TMCC3: variants seen among roughly 807,000 people sequenced by gnomAD.
TMCC3 encodes the protein transmembrane and coiled-coil domain family 3, also known as transmembrane and coiled-coil domain protein 3.
In TMCC3, 28 loss-of-function variants were observed where a neutral mutation model predicts 40.2. The ratio of observed to expected loss-of-function variants is 0.70; its 90% CI spans 0.52 to 0.95. The LOEUF (loss-of-function observed/expected upper bound fraction) is 0.95. TMCC3 is among the 40% of genes least tolerant of loss of function. The probability of loss-of-function intolerance (pLI) is 0.00; values close to 1 mark genes in which losing one functional copy is unlikely to be tolerated. For synonymous variants in TMCC3, 255 were observed against 248.5 expected (o/e 1.03, Z -0.25); for missense variants, 554 against 615.2 (o/e 0.90, Z 1.05).
intron 1 of TMCC3, among the ~76,000 whole-genome samples, chr12:94,592,839 G>A (rs745664271): frequency 6.6e-5 from 10 of 151,544 alleles, no homozygotes; most frequent in Non-Finnish European, 1.3e-4. Context: ...GTGTTTAAGA[G>A]TCTCAAAAAC....
chr12:94,577,917 T>C (rs1208031905), intron 3 of TMCC3, among the ~76,000 whole-genome samples: 2 of 151,460 alleles, frequency 1.3e-5, no homozygotes, highest in Non-Finnish European at 2.9e-5. Flanking sequence ...GAGGCTAAGG[T>C]GGGCAGATCA....
At chr12:94,625,837 AT>A (rs1467335247) in intron 1 of TMCC3, among the ~76,000 whole-genome samples, 1 of 152,210 alleles carries the variant, frequency 6.6e-6, no homozygotes, top group African/African-American at 2.4e-5. Context: ...GTTAACATTC[AT>A]TTAAATTATT....
At chr12:94,601,153 G>C (rs1473018054) in intron 1 of TMCC3, among the ~76,000 whole-genome samples, 2 of 152,128 alleles carry the variant, frequency 1.3e-5, no homozygotes, top group Non-Finnish European at 2.9e-5. Flanking sequence ...CTGGATATTA[G>C]AAATTATAAT....
intron 3 of TMCC3, among the ~76,000 whole-genome samples, chr12:94,577,018 G>A (rs556814123): frequency 3.7e-4 from 57 of 152,166 alleles, no homozygotes; most frequent in African/African-American, 1.4e-3. Flanking sequence ...TCTGTGCCTC[G>A]GTCTCCATAT....
intron 1 of TMCC3, among the ~76,000 whole-genome samples, chr12:94,624,868 C>T (rs1021848160): frequency 8.8e-5 from 13 of 147,230 alleles, no homozygotes; most frequent in South Asian, 2.2e-4. Flanking sequence ...GGGCCAGGTG[C>T]GGTGGCTCAT....
chr12:94,577,087 A>G (rs1270518009), intron 3 of TMCC3, among the ~76,000 whole-genome samples: 1 of 152,166 alleles, frequency 6.6e-6, no homozygotes, highest in Non-Finnish European at 1.5e-5. Context: ...AGTAAATGGG[A>G]AAAAAAGAAA....
rs869058316 is a variant in TMCC3 at position 94,592,661 on chromosome 12, CAA to C, written c.79-10125_79-10124del. Among the ~76,000 whole-genome samples, 44 of 27,496 alleles carry C rather than the reference CAA, an allele frequency of 1.6e-3. 1 individual carries two copies. The highest frequency in any genetic ancestry group is 0.015 in the East Asian group (15 of 1,024). 18.0% of individuals were successfully genotyped at this position (27,496 alleles called of 152,430 possible). A position where few individuals can be genotyped will look rare whatever the true frequency, so the allele number is the denominator to read the frequency against. Reference sequence around the variant, plus strand: ...TGAGCCTGGACAACAGGCTCCATCTCAAAAAAAAAAAAAAAAAAAAAATTCTA... The same window carrying C: ...TGAGCCTGGACAACAGGCTCCATCTCAAAAAAAAAAAAAAAAAAAATTCTA... On this transcript the variant is annotated intron_variant, in intron 1 of 3. Transcript: ENST00000261226.
At chr12:94,623,339 G>T (rs879836871) in intron 1 of TMCC3, among the ~76,000 whole-genome samples, 1 of 152,064 alleles carries the variant, frequency 6.6e-6, no homozygotes, top group African/African-American at 2.4e-5. Context: ...ACGTCATCAC[G>T]TCAGGACCCT....
At chr12:94,639,382 G>A (rs934354735) in intron 1 of TMCC3, among the ~76,000 whole-genome samples, 21 of 152,236 alleles carry the variant, frequency 1.4e-4, no homozygotes, top group Non-Finnish European at 1.0e-4. Context: ...AGGAGTTTGA[G>A]ACCATCTCAG....
chr12:94,644,977 T>TA (rs1425678068), intron 1 of TMCC3, among the ~76,000 whole-genome samples: 5 of 152,224 alleles, frequency 3.3e-5, no homozygotes, highest in African/African-American at 1.2e-4. Context: ...CTTCAGATGT[T>TA]AGAGATTTCT....
chr12:94,593,525 T>G, intron 1 of TMCC3, among the ~76,000 whole-genome samples: 1 of 151,478 alleles, frequency 6.6e-6, no homozygotes, highest in Middle Eastern at 3.2e-3. Flanking sequence ...ACTCTAGAAT[T>G]AGGGATCATT....
rs1181052695 is a variant in TMCC3, at chr12:94,617,745, T to G, written c.78+32608A>C. On this transcript the variant is annotated intron_variant, in intron 1 of 3. Coordinates refer to ENST00000261226, the MANE Select transcript of TMCC3 (RefSeq NM_020698.4). ...AAAGATCTCAAAATTGCTATGTGGC[T>G]TAAGTGGTGTTGATTTAACTCTGTG... Among the ~76,000 whole-genome samples the G allele has an allele frequency of 2.6e-5, 4 of 152,198 alleles. No homozygotes were observed. The East Asian group carries it at 7.7e-4, about 29-fold the overall frequency.
intron 1 of TMCC3, among the ~76,000 whole-genome samples, chr12:94,606,781 G>T (rs1163185441): frequency 6.6e-6 from 1 of 152,202 alleles, no homozygotes; most frequent in African/African-American, 2.4e-5. Context: ...CAGGGCGTAG[G>T]TCACAAAGAT....
chr12:94,630,364 GT>G (rs2068926652), intron 1 of TMCC3, among the ~76,000 whole-genome samples: 1 of 152,146 alleles, frequency 6.6e-6, no homozygotes, highest in South Asian at 2.1e-4. Flanking sequence ...CTACATTTAG[GT>G]TTTTATGAGG....
At chr12:94,620,410 C>T (rs1290292871) in intron 1 of TMCC3, among the ~76,000 whole-genome samples, 4 of 151,574 alleles carry the variant, frequency 2.6e-5, no homozygotes, top group African/African-American at 9.7e-5. Context: ...GCCTCAGCCT[C>T]CCGAGTAGCT....
chr12:94,582,522 A>T lies in TMCC3; in HGVS notation c.95T>A (p.Met32Lys). Residue 32 changes from methionine (M) to lysine (K), a missense_variant, in exon 2 of 4, where the codon ATG (methionine) becomes AAG (lysine). By Grantham distance (95) the Met-to-Lys change is moderately conservative. Coordinates refer to ENST00000261226, the MANE Select transcript of TMCC3 (RefSeq NM_020698.4). ...RCKSRVERHD[M>K]NTLSLPLNIR... ...GTTCAGGGGCAGGCTTAAGGTATTC[A>T]TGTCATGACGTTCTACCTGAAAGAG... 1.2e-6 allele frequency: 2 copies of T among 1,603,052 alleles called. No homozygotes were observed. Among genetic ancestry groups the T allele is most frequent in the Non-Finnish European group, 1.7e-6 (2 of 1,175,638 alleles).
At chr12:94,650,242 A>C in intron 1 of TMCC3, 111 bp downstream of exon 1, 1 of 597,810 alleles carries the variant, frequency 1.7e-6, no homozygotes, top group Middle Eastern at 5.9e-4. Context: ...GCGGCAGCGG[A>C]GGGCGGCGGC....
intron 1 of TMCC3, among the ~76,000 whole-genome samples, chr12:94,597,564 G>A (rs2068726284): frequency 6.6e-6 from 1 of 152,094 alleles, no homozygotes; most frequent in South Asian, 2.1e-4. Flanking sequence ...CAGCACTCTG[G>A]GAGGCTGAGG....
In TMCC3 at chr12:94,623,831, C is replaced by A. The variant is rs561725060; in HGVS notation, c.78+26522G>T. 3.9e-5 allele frequency among the ~76,000 whole-genome samples: 6 copies of A among 152,340 alleles called. No homozygotes were observed. The South Asian group carries it at 1.2e-3, about 32-fold the overall frequency. ...ACCAGGAAGCTCTGGGTGGCCTTTT[C>A]ATGTGCAGTACCATCGGCAAAGTAA... On this transcript the variant is annotated intron_variant, in intron 1 of 3. Transcript: ENST00000261226.
Sources: gnomAD v4.1 joint callset for allele counts (sites outside exome capture counted in the v4.1 genomes callset) on GRCh38, gnomAD v4.1.1 for gene constraint, MANE v1.5 for transcripts, NCBI Gene and HGNC (gene_info 2026-07-23, HGNC 2026-07-21) for gene names.